Variants in PCDH15 observed in about 807,000 individuals in gnomAD.
PCDH15 encodes the protein protocadherin related 15.
Under a neutral mutation model 178.5 loss-of-function variants are expected in PCDH15, and 129 were observed. The ratio of observed to expected loss-of-function variants is 0.72; its 90% CI spans 0.63 to 0.84. The LOEUF is 0.84. Ranked by LOEUF, PCDH15 falls within the 40% of genes least tolerant of loss-of-function variation. PCDH15 has a pLI of 0.00. For missense variants in PCDH15, 2,230 were observed against 2,099.9 expected, an observed-to-expected ratio of 1.06 and a Z score of -1.21; for synonymous variants, 800 against 732.0, an observed-to-expected ratio of 1.09 and a Z score of -1.50.
intron 25 of PCDH15, among the ~76,000 whole-genome samples, chr10:53,911,058 G>A (rs2083053001): frequency 6.6e-6 from 1 of 152,156 alleles, no homozygotes. Context: ...TGAAAGTGAT[G>A]AGGAGAATGG....
At chr10:54,919,660 T>C (rs1418856565) in intron 2 of PCDH15, among the ~76,000 whole-genome samples, 1 of 152,236 alleles carries the variant, frequency 6.6e-6, no homozygotes, top group Non-Finnish European at 1.5e-5. Flanking sequence ...AAACAAATGC[T>C]TGCTGAATGG....
intron 2 of PCDH15, among the ~76,000 whole-genome samples, chr10:55,403,895 G>T (rs1838133715): frequency 6.6e-6 from 1 of 151,852 alleles, no homozygotes; most frequent in Non-Finnish European, 1.5e-5. Flanking sequence ...TACTTTCTGA[G>T]GTTAAACCCC....
intron 2 of PCDH15, among the ~76,000 whole-genome samples, chr10:54,994,896 A>C (rs1839597996): frequency 6.6e-6 from 1 of 152,184 alleles, no homozygotes; most frequent in Admixed American, 6.5e-5. Flanking sequence ...TCAGTGTTCC[A>C]ACATAAATTA....
chr10:54,831,485 A>G (rs1355057097), intron 3 of PCDH15, among the ~76,000 whole-genome samples: 1 of 152,102 alleles, frequency 6.6e-6, no homozygotes, highest in African/African-American at 2.4e-5. Flanking sequence ...CTGCTAACTT[A>G]TAATAATACA....
intron 1 of PCDH15, among the ~76,000 whole-genome samples, chr10:54,672,849 T>A (rs1022594194): frequency 6.6e-6 from 1 of 152,150 alleles, no homozygotes; most frequent in African/African-American, 2.4e-5. Context: ...CATATTACTT[T>A]ACTTGCTTTT....
At chr10:54,869,150 G>A (rs140771776) in intron 3 of PCDH15, 1 of 152,122 alleles carries the variant, frequency 6.6e-6, no homozygotes, top group African/African-American at 2.4e-5. Flanking sequence ...CAATGACTGA[G>A]GTTCTTATAA....
At chr10:55,547,349 T>C (rs1841906655) in intron 2 of PCDH15, among the ~76,000 whole-genome samples, 1 of 152,082 alleles carries the variant, frequency 6.6e-6, no homozygotes, top group Admixed American at 6.6e-5. Flanking sequence ...TAAGATGCTG[T>C]GAGGACCCAA....
At chr10:54,354,992 A>C in intron 5 of PCDH15, among the ~76,000 whole-genome samples, 1 of 152,016 alleles carries the variant, frequency 6.6e-6, no homozygotes, top group South Asian at 2.1e-4. Flanking sequence ...ACAAAGCTGA[A>C]GTCTCAATAA....
At chr10:55,285,858 A>G (rs1031400408) in intron 1 of PCDH15, among the ~76,000 whole-genome samples, 8 of 152,010 alleles carry the variant, frequency 5.3e-5, no homozygotes, top group Admixed American at 5.3e-4. Flanking sequence ...TTTATTCAAC[A>G]TGAAATCATC....
chr10:54,592,561 T>C (rs2091953664), intron 2 of PCDH15, among the ~76,000 whole-genome samples: 1 of 152,180 alleles, frequency 6.6e-6, no homozygotes, highest in African/African-American at 2.4e-5. Flanking sequence ...TGCTGTACAA[T>C]AGGTATATGC....
intron 3 of PCDH15, among the ~76,000 whole-genome samples, chr10:54,861,786 A>G (rs1953847536): frequency 6.6e-6 from 1 of 152,218 alleles, no homozygotes; most frequent in Non-Finnish European, 1.5e-5. Context: ...ATGATTTTAT[A>G]CATAAAAACC....
chr10:54,236,781 T>G, intron 9 of PCDH15, 42 bp downstream of exon 9: 1 of 1,459,196 alleles, frequency 6.9e-7, no homozygotes, highest in Non-Finnish European at 9.6e-7. Context: ...TACTGTAAGA[T>G]TCTAGAATAA....
At chr10:54,205,222 C>T (rs895872024) in intron 10 of PCDH15, among the ~76,000 whole-genome samples, 12 of 152,052 alleles carry the variant, frequency 7.9e-5, no homozygotes, top group African/African-American at 2.7e-4. Context: ...CTCACACAGG[C>T]TTATAGGTAG....
chr10:55,492,395 T>G (rs986059120), intron 2 of PCDH15, among the ~76,000 whole-genome samples: 1 of 151,684 alleles, frequency 6.6e-6, no homozygotes, highest in East Asian at 2.0e-4. Flanking sequence ...TTCTAGACAA[T>G]AGCCCTTGGA....
At chr10:54,840,876 T>A (rs1953406455) in intron 3 of PCDH15, among the ~76,000 whole-genome samples, 1 of 151,740 alleles carries the variant, frequency 6.6e-6, no homozygotes, top group Non-Finnish European at 1.5e-5. Context: ...ATCGAGAGGA[T>A]ATAATGATTG....
intron 2 of PCDH15, among the ~76,000 whole-genome samples, chr10:54,560,648 C>T (rs2088005308): frequency 6.6e-6 from 1 of 151,988 alleles, no homozygotes; most frequent in Non-Finnish European, 1.5e-5. Flanking sequence ...AAGGTGTCAG[C>T]TGTATTTTCA....
intron 2 of PCDH15, among the ~76,000 whole-genome samples, chr10:54,580,471 A>G (rs945897539): frequency 6.6e-6 from 1 of 152,010 alleles, no homozygotes; most frequent in African/African-American, 2.4e-5. Context: ...TGAATCAACT[A>G]ATGTCCCTGA....
chr10:54,761,753 A>C (rs573593697), intron 1 of PCDH15, among the ~76,000 whole-genome samples: 1 of 152,064 alleles, frequency 6.6e-6, no homozygotes, highest in South Asian at 2.1e-4. Flanking sequence ...GTAATTCTCC[A>C]AAGGAAAACT....
At chr10:54,202,542 G>A (rs758318088) in intron 10 of PCDH15, among the ~76,000 whole-genome samples, 5 of 152,072 alleles carry the variant, frequency 3.3e-5, no homozygotes, top group Non-Finnish European at 5.9e-5. Context: ...GCCAGGCGCA[G>A]TGTCTCACGC....
Sources: gnomAD v4.1 joint callset for allele counts (sites outside exome capture counted in the v4.1 genomes callset) on GRCh38, gnomAD v4.1.1 for gene constraint, MANE v1.5 for transcripts, NCBI Gene and HGNC (gene_info 2026-07-23, HGNC 2026-07-21) for gene names.